EDIL3: variants seen among roughly 807,000 people sequenced by gnomAD.
EDIL3 encodes the protein EGF like and discoidin domains 3, also known as EGF-like repeat and discoidin I-like domain-containing protein 3.
A neutral mutation model predicts 67.4 loss-of-function variants in EDIL3; 37 were observed. That is an observed-to-expected ratio of 0.55 (90% CI 0.42 to 0.72). EDIL3 has a LOEUF of 0.72. EDIL3 is among the 30% of genes least tolerant of loss of function. EDIL3 has a pLI of 0.00. For synonymous variants in EDIL3, 195 were observed against 196.3 expected (o/e 0.99, Z 0.05); for missense variants, 527 against 586.3 (o/e 0.90, Z 1.04).
At chr5:84,332,391 G>A (rs1429472292) in intron 1 of EDIL3, among the ~76,000 whole-genome samples, 2 of 151,932 alleles carry the variant, frequency 1.3e-5, no homozygotes, top group African/African-American at 4.8e-5. Flanking sequence ...TTGAGGAGGT[G>A]GATAATTGGA....
At chr5:84,119,236 T>TTTTC (rs3046829) in intron 5 of EDIL3, among the ~76,000 whole-genome samples, 2 of 140,064 alleles carry the variant, frequency 1.4e-5, no homozygotes, top group East Asian at 2.2e-4. Flanking sequence ...TTTTTTTTTT[T>TTTTC]CACAGAAATG....
chr5:84,084,885 A>G (rs917986838), intron 6 of EDIL3, among the ~76,000 whole-genome samples: 1 of 152,230 alleles, frequency 6.6e-6, no homozygotes, highest in African/African-American at 2.4e-5. Flanking sequence ...AACAGACAAT[A>G]ATCTAAGAAT....
At chr5:84,311,312 C>CTTTTTTTTTTTTTTTTTTTTTTT (rs900034474) in intron 1 of EDIL3, among the ~76,000 whole-genome samples, 3 of 93,904 alleles carry the variant, frequency 3.2e-5, no homozygotes, top group Non-Finnish European at 7.5e-5. Context: ...AATGTATTTT[C>CTTTTTTTTTTTTTTTTTTTTTTT]TTTTTTTTTT....
chr5:83,979,142 G>C (rs935104343), intron 9 of EDIL3, among the ~76,000 whole-genome samples: 1 of 152,080 alleles, frequency 6.6e-6, no homozygotes, highest in Admixed American at 6.6e-5. Context: ...GAAACTCTTT[G>C]TAGGATGAGA....
chr5:84,251,250 C>A (rs1019700346), intron 2 of EDIL3, among the ~76,000 whole-genome samples: 2 of 152,008 alleles, frequency 1.3e-5, no homozygotes, highest in Non-Finnish European at 2.9e-5. Flanking sequence ...GTAGCTGGGA[C>A]TACAGGAACC....
chr5:84,078,373 A>T (rs1028775565), intron 6 of EDIL3, among the ~76,000 whole-genome samples: 5 of 152,160 alleles, frequency 3.3e-5, no homozygotes, highest in African/African-American at 1.2e-4. Flanking sequence ...TTTTATACGG[A>T]TATCTAAAAA....
Position 84,037,988 on chromosome 5 carries a change from G to GTTT in EDIL3, c.1137+22309_1137+22311dup, listed in dbSNP as rs67762520. On this transcript the variant is annotated intron_variant, in intron 9 of 10. Transcript: ENST00000296591. ...TTCTCTTTTCTTTTCTTTCTTTCTT[G>GTTT]TTTTTTTTTTTTTTTTTTTTTTTGA... 2.4e-3 allele frequency among the ~76,000 whole-genome samples: 239 copies of GTTT among 99,678 alleles called. 3 individuals are homozygous for GTTT. Among genetic ancestry groups the GTTT allele is most frequent in the Middle Eastern group, 0.012 (2 of 172 alleles). The allele number at this position is 99,678 out of a possible 152,430, so 65.4% of individuals were successfully genotyped here.
At chr5:84,203,481 C>A (rs1226077048) in intron 3 of EDIL3, among the ~76,000 whole-genome samples, 1 of 152,150 alleles carries the variant, frequency 6.6e-6, no homozygotes, top group Admixed American at 6.6e-5. Context: ...GAATCTGAAT[C>A]TCAGGGCTGA....
At chr5:84,054,042 C>T (rs898608290) in intron 9 of EDIL3, among the ~76,000 whole-genome samples, 86 of 152,136 alleles carry the variant, frequency 5.7e-4, no homozygotes, top group African/African-American at 2.0e-3. Context: ...TGATGAACAT[C>T]GATGCAAAAA....
intron 5 of EDIL3, among the ~76,000 whole-genome samples, chr5:84,133,108 A>C (rs1420237933): frequency 6.6e-6 from 1 of 152,166 alleles, no homozygotes; most frequent in Non-Finnish European, 1.5e-5. Context: ...TGTGGGCCAC[A>C]TAGTCCAATA....
chr5:83,984,586 T>C (rs568539554), intron 9 of EDIL3, among the ~76,000 whole-genome samples: 2 of 152,206 alleles, frequency 1.3e-5, no homozygotes, highest in South Asian at 4.2e-4. Flanking sequence ...TCAGAGTTTA[T>C]ATGGCAGGGC....
intron 9 of EDIL3, among the ~76,000 whole-genome samples, chr5:84,019,674 C>G (rs1377971088): frequency 6.6e-6 from 1 of 152,130 alleles, no homozygotes; most frequent in Non-Finnish European, 1.5e-5. Flanking sequence ...CTTCATTCCT[C>G]TCTTAAAAAT....
intron 9 of EDIL3, among the ~76,000 whole-genome samples, chr5:84,049,212 C>A (rs1348272096): frequency 2.6e-5 from 4 of 152,116 alleles, no homozygotes; most frequent in Non-Finnish European, 5.9e-5. Flanking sequence ...ATCAACACAA[C>A]CTACAGTTTG....
Position 84,137,294 on chromosome 5 carries a change from G to C in EDIL3, c.416C>G (p.Ala139Gly). Residue 139 changes from alanine to glycine, a missense_variant, in exon 5 of 11, where the codon GCT (alanine) becomes GGT (glycine). Coordinates refer to ENST00000296591, the MANE Select transcript of EDIL3 (RefSeq NM_005711.5). ...KNGGICTDLV[A>G]NYSCECPGEF... ...GCCTGGGCACTCACAGGAATAGTTA[G>C]CAACAAGATCTGTACATATTCCACC... The C allele has an allele frequency of 1.9e-6, 3 of 1,613,306 alleles. No homozygotes were observed. The highest frequency in any genetic ancestry group is 2.5e-6 in the Non-Finnish European group (3 of 1,179,836).
intron 9 of EDIL3, among the ~76,000 whole-genome samples, chr5:84,012,355 T>G (rs1745532083): frequency 1.3e-5 from 2 of 152,190 alleles, no homozygotes; most frequent in South Asian, 2.1e-4. Context: ...TCAAAGCTTT[T>G]GTAATGACAA....
chr5:83,981,689 G>C (rs1744974256), intron 9 of EDIL3, among the ~76,000 whole-genome samples: 1 of 151,996 alleles, frequency 6.6e-6, no homozygotes, highest in Admixed American at 6.6e-5. Flanking sequence ...CTACCCCAGA[G>C]TATTGTAACT....
At chr5:84,178,031 G>A (rs771960385) in intron 4 of EDIL3, among the ~76,000 whole-genome samples, 28 of 152,012 alleles carry the variant, frequency 1.8e-4, no homozygotes, top group African/African-American at 5.1e-4. Context: ...AAATGTTCAC[G>A]CCATATTTGT....
At chr5:84,302,973 G>A (rs543495320) in intron 1 of EDIL3, among the ~76,000 whole-genome samples, 1 of 152,270 alleles carries the variant, frequency 6.6e-6, no homozygotes, top group East Asian at 1.9e-4. Context: ...CAAAATCAGA[G>A]AGAGATAGGT....
At chr5:84,324,667 AGAC>A (rs1746718892) in intron 1 of EDIL3, among the ~76,000 whole-genome samples, 1 of 151,864 alleles carries the variant, frequency 6.6e-6, no homozygotes, top group Non-Finnish European at 1.5e-5. Flanking sequence ...ATTTTTAACT[AGAC>A]AAACTAAGAA....
Sources: gnomAD v4.1 joint callset for allele counts (sites outside exome capture counted in the v4.1 genomes callset) on GRCh38, gnomAD v4.1.1 for gene constraint, MANE v1.5 for transcripts, NCBI Gene and HGNC (gene_info 2026-07-23, HGNC 2026-07-21) for gene names.